The following IGFL2 variants were observed in gnomAD, a reference collection of about 807,000 sequenced individuals.
IGFL2 encodes insulin growth factor-like family member 2.
In IGFL2, 7 loss-of-function variants were observed where a neutral mutation model predicts 13.9. That is an observed-to-expected ratio of 0.51 (90% confidence interval 0.29 to 0.95). The LOEUF (loss-of-function observed/expected upper bound fraction) is 0.95. Among genes scored for constraint, IGFL2 ranks in the 40% least tolerant of loss-of-function variants. The pLI is 0.08. For missense variants in IGFL2, 138 were observed against 147.8 expected (o/e 0.93, Z 0.34); for synonymous variants, 55 against 55.8 (o/e 0.99, Z 0.07).
At chr19:46,214,434 C>T in the IGFL2 span, 2 of 152,256 alleles carry the variant, frequency 1.3e-5, no homozygotes, top group Admixed American at 6.5e-5. Flanking sequence ...TCGGTCCTGT[C>T]TGGTGGACAG....
chr19:46,134,175 T>C, the IGFL2 span, among the ~76,000 whole-genome samples: 1 of 152,192 alleles, frequency 6.6e-6, no homozygotes, highest in East Asian at 1.9e-4. Context: ...TTCAACATTC[T>C]TTCTGGAATC....
chr19:46,084,977 A>T, the IGFL2 span, among the ~76,000 whole-genome samples: 1 of 152,152 alleles, frequency 6.6e-6, no homozygotes, highest in African/African-American at 2.4e-5. Flanking sequence ...CTCAAGTCTC[A>T]TCTGGACATG....
In IGFL2 at chr19:46,161,199, A is replaced by C; in HGVS notation, c.*111A>C. The C allele has an allele frequency of 1.3e-6, 1 of 777,012 alleles. No individual in the cohort carries two copies. Among genetic ancestry groups the C allele is most frequent in the Non-Finnish European group, 2.1e-6 (1 of 465,578 alleles). 48.1% of individuals were successfully genotyped at this position (777,012 alleles called of 1,614,324 possible). Reference sequence around the variant, plus strand: ...GGAATTTACAAAATGATGCAGCTCCAAGCCATTGTATGGCCCATGTGGGAG... The same window carrying C: ...GGAATTTACAAAATGATGCAGCTCCCAGCCATTGTATGGCCCATGTGGGAG... On this transcript the variant is annotated 3_prime_UTR_variant, in exon 4 of 4. Coordinates refer to ENST00000377693, the MANE Select transcript of IGFL2 (RefSeq NM_001135113.2).
At chr19:46,206,210 A>C in the IGFL2 span, among the ~76,000 whole-genome samples, 1 of 151,968 alleles carries the variant, frequency 6.6e-6, no homozygotes, top group Non-Finnish European at 1.5e-5. Context: ...CCCCGTCATC[A>C]TCACCCACTG....
chr19:46,196,877 G>A, the IGFL2 span: 1 of 153,338 alleles, frequency 6.5e-6, no homozygotes, highest in Non-Finnish European at 1.5e-5. Flanking sequence ...GCGTCTCTCT[G>A]CATCCTCAGC....
upstream of IGFL2, chr19:46,143,281 G>C (rs1972940367): frequency 1.3e-5 from 2 of 152,084 alleles, 1 homozygote; most frequent in Non-Finnish European, 2.9e-5. Context: ...TTTATTGTAA[G>C]AATGTAGTGT....
chr19:46,118,275 G>A, the IGFL2 span, among the ~76,000 whole-genome samples: 2 of 152,136 alleles, frequency 1.3e-5, no homozygotes, highest in African/African-American at 4.8e-5. Context: ...CCCCCACAGA[G>A]AAAACCAGAA....
the IGFL2 span, among the ~76,000 whole-genome samples, chr19:46,115,581 A>G: frequency 6.6e-6 from 1 of 152,122 alleles, no homozygotes; most frequent in Non-Finnish European, 1.5e-5. Flanking sequence ...CAGAAACCTC[A>G]GCCTGATTCA....
intron 1 of IGFL2, among the ~76,000 whole-genome samples, chr19:46,150,963 G>T (rs1425562052): frequency 6.6e-6 from 1 of 152,168 alleles, no homozygotes; most frequent in African/African-American, 2.4e-5. Context: ...ATCACGTCCA[G>T]CCCACAATAC....
At chr19:46,079,909 T>C in the IGFL2 span, among the ~76,000 whole-genome samples, 2 of 152,112 alleles carry the variant, frequency 1.3e-5, no homozygotes, top group African/African-American at 2.4e-5. Flanking sequence ...AAGAACCCTA[T>C]TGCTCCCTGG....
At chr19:46,132,867 G>C in the IGFL2 span, among the ~76,000 whole-genome samples, 2 of 152,194 alleles carry the variant, frequency 1.3e-5, no homozygotes, top group African/African-American at 2.4e-5. Context: ...GAGTTGATCA[G>C]ATCCAGGTAG....
the IGFL2 span, among the ~76,000 whole-genome samples, chr19:46,094,619 C>T: frequency 6.6e-6 from 1 of 152,038 alleles, no homozygotes; most frequent in South Asian, 2.1e-4. Flanking sequence ...CTGCACCTAT[C>T]AACCCATCAC....
chr19:46,192,169 G>A, the IGFL2 span, among the ~76,000 whole-genome samples: 1 of 152,170 alleles, frequency 6.6e-6, no homozygotes, highest in Non-Finnish European at 1.5e-5. Context: ...TGGGGTGCAG[G>A]TGCCCTGTGG....
chr19:46,180,339 C>T, the IGFL2 span, among the ~76,000 whole-genome samples: 1 of 151,990 alleles, frequency 6.6e-6, no homozygotes, highest in African/African-American at 2.4e-5. Context: ...CCACTATACT[C>T]GGCTAATTTT....
chr19:46,193,177 G>A, the IGFL2 span, among the ~76,000 whole-genome samples: 3 of 152,126 alleles, frequency 2.0e-5, no homozygotes. Context: ...GGGGGACAGA[G>A]CAAGACTCTG....
chr19:46,188,883 G>T, the IGFL2 span, among the ~76,000 whole-genome samples: 1 of 152,238 alleles, frequency 6.6e-6, no homozygotes, highest in Admixed American at 6.5e-5. Flanking sequence ...CCAGCTCTTT[G>T]TGGGAGCATG....
At chr19:46,183,305 C>T in the IGFL2 span, among the ~76,000 whole-genome samples, 1 of 152,162 alleles carries the variant, frequency 6.6e-6, no homozygotes, top group Non-Finnish European at 1.5e-5. Flanking sequence ...TGTAGGATTA[C>T]AATTCGAGAT....
At chr19:46,208,055 A>G in the IGFL2 span, 1 of 152,252 alleles carries the variant, frequency 6.6e-6, no homozygotes, top group South Asian at 2.1e-4. Flanking sequence ...ACCCACAGCC[A>G]CAGCCAGTTC....
At chr19:46,104,531 G>A in the IGFL2 span, among the ~76,000 whole-genome samples, 2 of 152,154 alleles carry the variant, frequency 1.3e-5, no homozygotes, top group African/African-American at 2.4e-5. Context: ...AAATGACTGC[G>A]GTAGCCTTCT....
Sources: allele counts gnomAD v4.1 joint callset (sites outside exome capture counted in the v4.1 genomes callset), GRCh38; gene constraint gnomAD v4.1.1; transcripts MANE v1.5; gene names NCBI Gene and HGNC (gene_info 2026-07-23, HGNC 2026-07-21).